ZBTB2: variants seen among roughly 807,000 people sequenced by gnomAD.
ZBTB2 encodes zinc finger and BTB domain containing 2.
Under a neutral mutation model 39.5 loss-of-function variants are expected in ZBTB2, and 2 were observed. That is an observed-to-expected ratio of 0.05 (90% CI 0.02 to 0.16). The LOEUF (loss-of-function observed/expected upper bound fraction) is 0.16, where lower values mean the gene tolerates loss of function less well. Among genes scored for constraint, ZBTB2 ranks in the 10% least tolerant of loss-of-function variants. The probability of loss-of-function intolerance (pLI) is 1.00; values close to 1 mark genes in which losing one functional copy is unlikely to be tolerated. For missense variants in ZBTB2, 391 were observed against 653.0 expected (o/e 0.60, Z 4.37); for synonymous variants, 251 against 256.6 (o/e 0.98, Z 0.21).
chr6:151,368,674 G>A (rs1778706491), intron 2 of ZBTB2, among the ~76,000 whole-genome samples: 1 of 146,618 alleles, frequency 6.8e-6, no homozygotes, highest in African/African-American at 2.5e-5. Context: ...GGCTGGTCTC[G>A]AACTCCTGAC....
Position 151,366,783 on chromosome 6 carries a change from ATCGAACCGGG to A in ZBTB2, c.273_282del (p.Pro92Ter). The A allele has an allele frequency of 6.2e-7, 1 of 1,614,106 alleles. No individual in the cohort carries two copies. Among genetic ancestry groups the A allele is most frequent in the Non-Finnish European group, 8.5e-7 (1 of 1,180,022 alleles). On this transcript the variant is annotated frameshift_variant, in exon 3 of 3. Transcript: ENST00000325144. LOFTEE classifies it high-confidence loss of function. The surrounding 1 kb of genome is among the most constrained non-coding windows in gnomAD (Gnocchi z 7.1). Reference sequence around the variant, plus strand: ...TGCAGAAACTTGATGCCCTGTTCTAATCGAACCGGGTCGATGAGCTGAGGCGCCATCTTCC... The same window carrying A: ...TGCAGAAACTTGATGCCCTGTTCTAATCGATGAGCTGAGGCGCCATCTTCC...
intron 1 of ZBTB2, among the ~76,000 whole-genome samples, chr6:151,386,362 G>A (rs1161309960): frequency 6.6e-6 from 1 of 151,970 alleles, no homozygotes; most frequent in Non-Finnish European, 1.5e-5. Flanking sequence ...AACATGACGA[G>A]ACCCTGTCTC....
rs751815643 is a variant in ZBTB2, at chr6:151,373,452, C to G, written c.173+13G>C. On this transcript the variant is annotated intron_variant, in intron 2 of 2. Transcript: ENST00000325144. ...TCTACAGTCATTAGGTTATTAGCAA[C>G]CACTTTAGTTACCTGGTCTGATGGA... is the stretch of plus-strand genomic sequence containing the variant. 2.5e-6 allele frequency: 4 copies of G among 1,613,992 alleles called. No homozygotes were observed. The South Asian group carries it at 4.4e-5, about 18-fold the overall frequency.
intron 1 of ZBTB2, among the ~76,000 whole-genome samples, chr6:151,380,494 G>A (rs572845443): frequency 2.7e-4 from 41 of 152,132 alleles, no homozygotes; most frequent in Non-Finnish European, 5.3e-4. Flanking sequence ...TGGCATCCTC[G>A]TGGATGGCTT....
chr6:151,377,035 TACA>T (rs1343783068), intron 1 of ZBTB2, among the ~76,000 whole-genome samples: 5 of 152,008 alleles, frequency 3.3e-5, no homozygotes, highest in African/African-American at 7.2e-5. Flanking sequence ...ACTGATAACG[TACA>T]ACAACTTGGG....
At chr6:151,390,646 C>G (rs1017557070) in intron 1 of ZBTB2, among the ~76,000 whole-genome samples, 1 of 151,612 alleles carries the variant, frequency 6.6e-6, no homozygotes, top group Non-Finnish European at 1.5e-5. Flanking sequence ...CGCGCCCCCG[C>G]CCGCGAGCGG....
At position 151,366,189 on chromosome 6, in the gene ZBTB2, G is replaced by A. The variant is rs1053043652; in HGVS notation, c.877C>T (p.Leu293=). The change falls in exon 3 of 3, where the codon CTG becomes TTG. Residue 293 remains leucine (L), a synonymous_variant. Coordinates refer to ENST00000325144, the MANE Select transcript of ZBTB2 (RefSeq NM_020861.3). The surrounding 1 kb of genome is among the most constrained non-coding windows in gnomAD (Gnocchi z 7.1). ...SSQQGESRVP[L]TLCSNAADLG... Reference sequence around the variant, plus strand: ...TCAGCTGCATTGCTACAGAGAGTCAGGGGGACGCGACTTTCTCCCTGTTGG... The same window carrying A: ...TCAGCTGCATTGCTACAGAGAGTCAAGGGGACGCGACTTTCTCCCTGTTGG... The A allele has an allele frequency of 1.2e-6, 2 of 1,614,168 alleles. No individual in the cohort carries two copies. Among genetic ancestry groups the A allele is most frequent in the East Asian group, 2.2e-5 (1 of 44,870 alleles).
chr6:151,378,276 A>G (rs544464768), intron 1 of ZBTB2, among the ~76,000 whole-genome samples: 1 of 152,348 alleles, frequency 6.6e-6, no homozygotes, highest in South Asian at 2.1e-4. Flanking sequence ...GTCAAATTTC[A>G]TATTTTCTGC....
chr6:151,378,397 C>G (rs1221157250), intron 1 of ZBTB2, among the ~76,000 whole-genome samples: 2 of 152,082 alleles, frequency 1.3e-5, no homozygotes, highest in African/African-American at 2.4e-5. Flanking sequence ...GATCAGTTTC[C>G]CCACTACTTT....
intron 1 of ZBTB2, among the ~76,000 whole-genome samples, chr6:151,383,489 C>T (rs923047271): frequency 3.3e-5 from 5 of 152,120 alleles, no homozygotes. Flanking sequence ...TTATTTCACT[C>T]ACTTTGGGAC....
rs1778605410 is a variant in ZBTB2 at position 151,364,654 on chromosome 6, T to C, written c.*867A>G. ...ATTTAAAAGTTAGTGTAAAACAAAT[T>C]ATCACTGGCAGCTGCTAGAAAATGG... is the stretch of plus-strand genomic sequence containing the variant. On this transcript the variant is annotated 3_prime_UTR_variant, in exon 3 of 3. Coordinates refer to ENST00000325144, the MANE Select transcript of ZBTB2 (RefSeq NM_020861.3). 6.6e-6 allele frequency: 1 copy of C among 152,206 alleles called. No homozygotes were observed. Among genetic ancestry groups the C allele is most frequent in the Non-Finnish European group, 1.5e-5 (1 of 68,030 alleles). 9.4% of individuals were successfully genotyped at this position (152,206 alleles called of 1,614,324 possible).
intron 1 of ZBTB2, among the ~76,000 whole-genome samples, chr6:151,373,870 A>ACAAAAACAAAAC (rs1374107838): frequency 8.1e-6 from 1 of 123,568 alleles, no homozygotes; most frequent in African/African-American, 3.6e-5. Flanking sequence ...AAAAAAAAAA[A>ACAAAAACAAAAC]AAAAAAACCA....
intron 1 of ZBTB2, among the ~76,000 whole-genome samples, chr6:151,388,722 G>C (rs554117455): frequency 2.0e-5 from 3 of 152,180 alleles, no homozygotes; most frequent in Admixed American, 2.0e-4. Flanking sequence ...GATTTTGGAG[G>C]TTACTGAAAA....
At chr6:151,375,268 A>G (rs985351053) in intron 1 of ZBTB2, among the ~76,000 whole-genome samples, 3 of 152,238 alleles carry the variant, frequency 2.0e-5, no homozygotes, top group Non-Finnish European at 4.4e-5. Context: ...TACCATTTAA[A>G]ATCACTCAAA....
Position 151,364,164 on chromosome 6 carries a change from C to T in ZBTB2, c.*1357G>A, listed in dbSNP as rs916179633. On this transcript the variant is annotated 3_prime_UTR_variant, in exon 3 of 3. Coordinates refer to ENST00000325144, the MANE Select transcript of ZBTB2 (RefSeq NM_020861.3). Reference sequence around the variant, plus strand: ...CAATGAAAGGATGTATAAAAACTTACAAATTTGAGAACTCAACTATACATG... The same window carrying T: ...CAATGAAAGGATGTATAAAAACTTATAAATTTGAGAACTCAACTATACATG... 6.6e-6 allele frequency: 1 copy of T among 152,430 alleles called. No homozygotes were observed. Among genetic ancestry groups the T allele is most frequent in the Non-Finnish European group, 1.5e-5 (1 of 68,008 alleles). The allele number at this position is 152,430 out of a possible 1,614,324, so 9.4% of individuals were successfully genotyped here. A position where few individuals can be genotyped will look rare whatever the true frequency, so the allele number is the denominator to read the frequency against.
At position 151,366,322 on chromosome 6, in the gene ZBTB2, C is replaced by A. The variant is rs1327749620; in HGVS notation, c.744G>T (p.Gly248=). ...GGCAGGCATAGTACTTTGGAAAGCTCCCATTCCTCTTCATGATGCTTGGCT... is the reference window on the plus strand; with the variant it reads ...GGCAGGCATAGTACTTTGGAAAGCTACCATTCCTCTTCATGATGCTTGGCT... ...HVKPSIMKRN[G]SFPKYYACHL... Residue 248 remains glycine (G), a synonymous_variant, in exon 3 of 3, where the codon GGG becomes GGT. Coordinates refer to ENST00000325144, the MANE Select transcript of ZBTB2 (RefSeq NM_020861.3). The surrounding 1 kb of genome is among the most constrained non-coding windows in gnomAD (Gnocchi z 7.1). 7 of 1,613,962 alleles carry A rather than the reference C, an allele frequency of 4.3e-6. No individual in the cohort carries two copies. In the Admixed American group the frequency reaches 1.2e-4, roughly 27 times the overall value.
At chr6:151,376,702 G>A (rs1778916484) in intron 1 of ZBTB2, among the ~76,000 whole-genome samples, 1 of 152,166 alleles carries the variant, frequency 6.6e-6, no homozygotes, top group African/African-American at 2.4e-5. Flanking sequence ...AACACATGGT[G>A]GCAAGAGTGT....
chr6:151,367,481 A>G (rs1036579888), intron 2 of ZBTB2, among the ~76,000 whole-genome samples: 1 of 152,194 alleles, frequency 6.6e-6, no homozygotes, highest in African/African-American at 2.4e-5. Context: ...TCCTTATCAA[A>G]TGCCACCATC....
At position 151,377,755 on chromosome 6, in the gene ZBTB2, T is replaced by G. The variant is rs182288581; in HGVS notation, c.-12-4106A>C. 1.6e-3 allele frequency among the ~76,000 whole-genome samples: 249 copies of G among 152,038 alleles called. 1 individual carries two copies. The highest frequency in any genetic ancestry group is 5.7e-3 in the African/African-American group (237 of 41,492). On this transcript the variant is annotated intron_variant, in intron 1 of 2. Transcript: ENST00000325144. ...ACCATGTTGTTAGCCAGGACAGTCT[T>G]GATCTCCTGACCTTGTGATCCGCCC...
Sources: allele counts gnomAD v4.1 joint callset (sites outside exome capture counted in the v4.1 genomes callset), GRCh38; gene constraint gnomAD v4.1.1; non-coding constraint Gnocchi (gnomAD v3.1); transcripts MANE v1.5; gene names NCBI Gene and HGNC (gene_info 2026-07-23, HGNC 2026-07-21).